Variants in MACROD2 observed in about 807,000 individuals in gnomAD.
MACROD2 encodes the protein mono-ADP ribosylhydrolase 2.
Under a neutral mutation model 70.4 loss-of-function variants are expected in MACROD2, and 36 were observed. The ratio of observed to expected loss-of-function variants is 0.51; its 90% CI spans 0.39 to 0.68. The LOEUF (loss-of-function observed/expected upper bound fraction) is 0.68. Among genes scored for constraint, MACROD2 ranks in the 30% least tolerant of loss-of-function variants. MACROD2 has a pLI of 0.00. For synonymous variants in MACROD2, 172 were observed against 178.8 expected (o/e 0.96, Z 0.30); for missense variants, 496 against 538.4 (o/e 0.92, Z 0.78).
chr20:14,493,639 C>G, intron 4 of MACROD2, 131 bp downstream of exon 4: 2 of 672,504 alleles, frequency 3.0e-6, no homozygotes, highest in Non-Finnish European at 5.1e-6. Context: ...AAATGTTAAT[C>G]TTTCAAAAAT....
At chr20:15,599,403 G>A (rs1287861810) in intron 8 of MACROD2, among the ~76,000 whole-genome samples, 1 of 151,796 alleles carries the variant, frequency 6.6e-6, no homozygotes, top group African/African-American at 2.4e-5. Context: ...AAAAAAAAGT[G>A]TTTAAACTGA....
At chr20:14,828,491 T>G (rs2072926823) in intron 5 of MACROD2, among the ~76,000 whole-genome samples, 1 of 152,106 alleles carries the variant, frequency 6.6e-6, no homozygotes, top group East Asian at 1.9e-4. Flanking sequence ...GAGTGCTTAC[T>G]ATGCATTAGG....
At chr20:14,359,290 G>C (rs1292431911) in intron 3 of MACROD2, among the ~76,000 whole-genome samples, 1 of 152,110 alleles carries the variant, frequency 6.6e-6, no homozygotes, top group South Asian at 2.1e-4. Flanking sequence ...AATTAAGGGT[G>C]GTTATTACCA....
At chr20:16,033,676 T>C in intron 15 of MACROD2, among the ~76,000 whole-genome samples, 1 of 152,084 alleles carries the variant, frequency 6.6e-6, no homozygotes, top group East Asian at 1.9e-4. Context: ...ACCAAGACTC[T>C]GGAAGTGAGC....
At chr20:15,629,631 G>A (rs964855501) in intron 8 of MACROD2, among the ~76,000 whole-genome samples, 2 of 152,112 alleles carry the variant, frequency 1.3e-5, no homozygotes, top group Admixed American at 6.5e-5. Context: ...AGAAATAATA[G>A]TCTCAACATC....
intron 5 of MACROD2, among the ~76,000 whole-genome samples, chr20:14,896,032 C>T (rs559858578): frequency 1.4e-4 from 22 of 152,288 alleles, no homozygotes; most frequent in Middle Eastern, 3.4e-3. Context: ...TGCTGTGGCT[C>T]ACGCCTATAA....
intron 7 of MACROD2, among the ~76,000 whole-genome samples, chr20:15,475,153 G>A (rs6034200): frequency 0.34 from 52,022 of 152,048 alleles, 11,424 homozygotes; most frequent in African/African-American, 0.63. Context: ...TTAAGAGGAT[G>A]TGCATAGGTT....
chr20:14,162,425 A>G (rs755626222), intron 3 of MACROD2, among the ~76,000 whole-genome samples: 3 of 152,082 alleles, frequency 2.0e-5, no homozygotes, highest in Non-Finnish European at 2.9e-5. Flanking sequence ...TTTCTTTGCA[A>G]ATTTTCTATC....
intron 6 of MACROD2, among the ~76,000 whole-genome samples, chr20:15,380,653 T>C (rs2045630676): frequency 6.6e-6 from 1 of 152,178 alleles, no homozygotes; most frequent in African/African-American, 2.4e-5. Context: ...TCTTCCCAAC[T>C]CTGTTTTTGA....
intron 2 of MACROD2, among the ~76,000 whole-genome samples, chr20:14,071,468 G>T (rs1159157842): frequency 6.6e-6 from 1 of 151,730 alleles, no homozygotes; most frequent in Admixed American, 6.6e-5. Context: ...CACCATGTTA[G>T]CCAGGATGGT....
intron 4 of MACROD2, among the ~76,000 whole-genome samples, chr20:14,576,228 G>C: frequency 6.6e-6 from 1 of 152,138 alleles, no homozygotes; most frequent in Non-Finnish European, 1.5e-5. Flanking sequence ...TTGAGCAGAG[G>C]CTTCAGAATG....
At chr20:14,452,374 A>T (rs1401744730) in intron 3 of MACROD2, among the ~76,000 whole-genome samples, 2 of 152,100 alleles carry the variant, frequency 1.3e-5, no homozygotes, top group Non-Finnish European at 2.9e-5. Flanking sequence ...TGTTTCTCAT[A>T]GTTAATCTGA....
chr20:15,352,513 T>G (rs1241997104), intron 6 of MACROD2, among the ~76,000 whole-genome samples: 1 of 152,268 alleles, frequency 6.6e-6, no homozygotes, highest in East Asian at 1.9e-4. Flanking sequence ...GTGAAAAATT[T>G]AACTTCAGAA....
chr20:15,480,533 C>A (rs2047083072), intron 7 of MACROD2, among the ~76,000 whole-genome samples: 1 of 152,172 alleles, frequency 6.6e-6, no homozygotes, highest in African/African-American at 2.4e-5. Flanking sequence ...GCCTACTCCT[C>A]CTCTGCCCCC....
intron 6 of MACROD2, among the ~76,000 whole-genome samples, chr20:15,307,827 G>A (rs968048952): frequency 3.3e-5 from 5 of 151,934 alleles, no homozygotes; most frequent in African/African-American, 1.2e-4. Context: ...TCTAAAATAT[G>A]GAAAAGTTCC....
intron 5 of MACROD2, among the ~76,000 whole-genome samples, chr20:14,958,916 C>T (rs2074560184): frequency 6.6e-6 from 1 of 152,078 alleles, no homozygotes. Flanking sequence ...GTCTGGGGAC[C>T]ATACCTAAGA....
At chr20:15,009,773 T>A in intron 5 of MACROD2, among the ~76,000 whole-genome samples, 1 of 100,520 alleles carries the variant, frequency 9.9e-6, no homozygotes, top group African/African-American at 4.5e-5. Flanking sequence ...CACCTCCCTA[T>A]TTTTTTTTTT....
intron 10 of MACROD2, among the ~76,000 whole-genome samples, chr20:15,918,718 T>A (rs1601130754): frequency 1.3e-5 from 2 of 152,252 alleles, no homozygotes; most frequent in South Asian, 4.1e-4. Flanking sequence ...TTTCTCAAGC[T>A]GTTGCTGTAA....
intron 10 of MACROD2, among the ~76,000 whole-genome samples, chr20:15,912,969 G>T (rs2065258573): frequency 1.3e-5 from 2 of 152,164 alleles, no homozygotes; most frequent in Non-Finnish European, 2.9e-5. Context: ...AGGCCAGCCA[G>T]ATCTGGGTTT....
Sources: gnomAD v4.1 joint callset for allele counts (sites outside exome capture counted in the v4.1 genomes callset) on GRCh38, gnomAD v4.1.1 for gene constraint, MANE v1.5 for transcripts, NCBI Gene and HGNC (gene_info 2026-07-23, HGNC 2026-07-21) for gene names.